The following GABRB3 variants were observed in gnomAD, a reference collection of about 807,000 sequenced individuals.
The protein encoded by GABRB3 is gamma-aminobutyric acid type A receptor subunit beta3.
A neutral mutation model predicts 52.1 loss-of-function variants in GABRB3; 14 were observed. The observed-to-expected ratio is 0.27, with a 90% CI of 0.18 to 0.42. GABRB3 has a LOEUF of 0.42. GABRB3 is among the 10% of genes least tolerant of loss of function. The pLI is 1.00. For synonymous variants in GABRB3, 260 were observed against 232.3 expected, an observed-to-expected ratio of 1.12 and a Z score of -1.08; for missense variants, 307 against 609.1, an observed-to-expected ratio of 0.50 and a Z score of 5.22.
chr15:26,736,191 C>G (rs1890061993), intron 3 of GABRB3, among the ~76,000 whole-genome samples: 1 of 152,128 alleles, frequency 6.6e-6, no homozygotes, highest in African/African-American at 2.4e-5. Flanking sequence ...GCATTTAATG[C>G]AACTAACCTG....
At chr15:26,639,389 T>G (rs1156385588) in intron 3 of GABRB3, among the ~76,000 whole-genome samples, 1 of 152,098 alleles carries the variant, frequency 6.6e-6, no homozygotes, top group African/African-American at 2.4e-5. Flanking sequence ...CAGGTACATT[T>G]TTTTCCTGTA....
intron 3 of GABRB3, among the ~76,000 whole-genome samples, chr15:26,763,607 T>TACACATACAC (rs1555383193): frequency 2.1e-5 from 3 of 145,856 alleles, no homozygotes; most frequent in African/African-American, 7.7e-5. Context: ...TCTGCATAGA[T>TACACATACAC]ACACACACAC....
In GABRB3 at chr15:26,624,186, T is replaced by C. The variant is rs907299750; in HGVS notation, c.241-2652A>G. On this transcript the variant is annotated intron_variant, in intron 3 of 8. Transcript: ENST00000311550. ...GAGAATGCACCTTCACAGGGCATATTCCGCCCCTTCATCACCATTACCTTT... is the reference window on the plus strand; with the variant it reads ...GAGAATGCACCTTCACAGGGCATATCCCGCCCCTTCATCACCATTACCTTT... 27 of 985,094 alleles carry C rather than the reference T, an allele frequency of 2.7e-5. No individual in the cohort carries two copies. In the African/African-American group the frequency reaches 4.2e-4, roughly 15 times the overall value. 61.0% of individuals were successfully genotyped at this position (985,094 alleles called of 1,614,324 possible).
chr15:26,637,955 G>T (rs891702387), intron 3 of GABRB3, among the ~76,000 whole-genome samples: 2 of 152,148 alleles, frequency 1.3e-5, no homozygotes, highest in Non-Finnish European at 2.9e-5. Context: ...AAGGGCAAAA[G>T]ACCTCAGGCT....
intron 4 of GABRB3, among the ~76,000 whole-genome samples, chr15:26,595,068 T>C (rs1209776953): frequency 1.3e-5 from 2 of 152,228 alleles, no homozygotes; most frequent in African/African-American, 2.4e-5. Flanking sequence ...TGCTTTTGCA[T>C]GACCTAATTT....
chr15:26,758,831 A>AT (rs1890732724), intron 3 of GABRB3, among the ~76,000 whole-genome samples: 1 of 152,248 alleles, frequency 6.6e-6, no homozygotes. Flanking sequence ...TTGTAGACAA[A>AT]TTATGTCAAG....
intron 4 of GABRB3, chr15:26,614,153 T>C (rs1892174184): frequency 6.6e-6 from 1 of 152,148 alleles, no homozygotes; most frequent in South Asian, 2.1e-4. Flanking sequence ...CTGCTCCCCA[T>C]TTTGATAGGG....
intron 4 of GABRB3, among the ~76,000 whole-genome samples, chr15:26,599,547 A>G (rs1275863383): frequency 6.6e-6 from 1 of 152,228 alleles, no homozygotes; most frequent in Admixed American, 6.5e-5. Flanking sequence ...TCCAGCCAGT[A>G]GCCTCACCAG....
intron 3 of GABRB3, among the ~76,000 whole-genome samples, chr15:26,633,743 G>C (rs1247313519): frequency 6.6e-6 from 1 of 152,102 alleles, no homozygotes; most frequent in Non-Finnish European, 1.5e-5. Flanking sequence ...CGTGCACCTG[G>C]AACTGTTTAC....
At chr15:26,636,905 C>T (rs1893075914) in intron 3 of GABRB3, among the ~76,000 whole-genome samples, 1 of 152,194 alleles carries the variant, frequency 6.6e-6, no homozygotes, top group South Asian at 2.1e-4. Context: ...TTCTACCACC[C>T]TTGTCAAACA....
chr15:26,563,354 T>A (rs1890056145), intron 7 of GABRB3, among the ~76,000 whole-genome samples: 1 of 152,214 alleles, frequency 6.6e-6, no homozygotes, highest in African/African-American at 2.4e-5. Context: ...GATTTCACAG[T>A]GAGTACTTCA....
At chr15:26,664,866 A>G (rs1887660493) in intron 3 of GABRB3, among the ~76,000 whole-genome samples, 1 of 151,710 alleles carries the variant, frequency 6.6e-6, no homozygotes, top group Admixed American at 6.6e-5. Context: ...ACGCCCAGCT[A>G]ATTTTGTATT....
intron 6 of GABRB3, among the ~76,000 whole-genome samples, chr15:26,574,788 A>G (rs1356722901): frequency 6.6e-6 from 1 of 152,178 alleles, no homozygotes; most frequent in Non-Finnish European, 1.5e-5. Flanking sequence ...TGGGGTGATA[A>G]AAATATTCTA....
intron 3 of GABRB3, among the ~76,000 whole-genome samples, chr15:26,662,585 CA>C (rs1387918057): frequency 3.9e-5 from 6 of 152,218 alleles, no homozygotes; most frequent in Admixed American, 6.5e-5. Flanking sequence ...TGCCTCTGCA[CA>C]GATGAACAGG....
intron 3 of GABRB3, among the ~76,000 whole-genome samples, chr15:26,634,880 A>T (rs923663196): frequency 1.4e-5 from 2 of 139,096 alleles, no homozygotes; most frequent in African/African-American, 2.6e-5. Context: ...ACATATTTAT[A>T]GAGAGAAAAA....
intron 3 of GABRB3, among the ~76,000 whole-genome samples, chr15:26,717,215 CTCAATGACAACCTAGCTCTGGGGACCT>C (rs1889515379): frequency 1.3e-5 from 2 of 149,518 alleles, no homozygotes; most frequent in African/African-American, 2.5e-5. Flanking sequence ...GGGACCTCCA[CTCAATGACAACCTAGCTCTGGGGACCT>C]CCACCCTATG....
chr15:26,596,646 C>T (rs1891405748), intron 4 of GABRB3, among the ~76,000 whole-genome samples: 1 of 151,974 alleles, frequency 6.6e-6, no homozygotes, highest in African/African-American at 2.4e-5. Flanking sequence ...TAATCCACTG[C>T]AGAACATAAA....
chr15:26,682,023 A>C (rs939162604), intron 3 of GABRB3, among the ~76,000 whole-genome samples: 4 of 152,146 alleles, frequency 2.6e-5, no homozygotes, highest in African/African-American at 9.7e-5. Flanking sequence ...GTTTACCCTG[A>C]ATATTTTCTG....
chr15:26,655,524 C>T (rs1197038535), intron 3 of GABRB3, among the ~76,000 whole-genome samples: 2 of 152,108 alleles, frequency 1.3e-5, no homozygotes, highest in African/African-American at 4.8e-5. Context: ...AGGCGGATCA[C>T]GAGGTCAGGA....
Sources: allele counts gnomAD v4.1 joint callset (sites outside exome capture counted in the v4.1 genomes callset), GRCh38; gene constraint gnomAD v4.1.1; transcripts MANE v1.5; gene names NCBI Gene and HGNC (gene_info 2026-07-23, HGNC 2026-07-21).